The following ATRNL1 variants were observed in gnomAD, a reference collection of about 807,000 sequenced individuals.
ATRNL1 encodes the protein attractin-like protein 1.
A neutral mutation model predicts 182.7 loss-of-function variants in ATRNL1; 95 were observed. That is an observed-to-expected ratio of 0.52 (90% CI 0.44 to 0.62). The LOEUF is 0.62. Ranked by LOEUF, ATRNL1 falls within the 20% of genes least tolerant of loss-of-function variation. ATRNL1 has a pLI of 0.00. For missense variants in ATRNL1, 1,471 were observed against 1,679.5 expected (o/e 0.88, Z 2.17); for synonymous variants, 576 against 568.3 (o/e 1.01, Z -0.19).
chr10:115,554,990 G>A (rs1399072535), intron 26 of ATRNL1, among the ~76,000 whole-genome samples: 2 of 151,558 alleles, frequency 1.3e-5, no homozygotes, highest in Non-Finnish European at 3.0e-5. Flanking sequence ...ATATTCAAAC[G>A]AATGTATATC....
At chr10:115,428,900 A>G (rs1458973994) in intron 21 of ATRNL1, among the ~76,000 whole-genome samples, 2 of 152,118 alleles carry the variant, frequency 1.3e-5, no homozygotes, top group Non-Finnish European at 2.9e-5. Flanking sequence ...CTTTTGCTTA[A>G]CTACTTTAGA....
intron 28 of ATRNL1, chr10:115,909,259 ATCC>A (rs1437030891): frequency 5.9e-5 from 9 of 152,018 alleles, no homozygotes; most frequent in African/African-American, 2.2e-4. Context: ...CAGCTGTGAT[ATCC>A]TCCTCCGCAT....
chr10:115,941,013 A>C (rs935839665), intron 28 of ATRNL1, among the ~76,000 whole-genome samples: 1 of 152,182 alleles, frequency 6.6e-6, no homozygotes, highest in African/African-American at 2.4e-5. Context: ...CCAGTAAAGG[A>C]CCTAAGCCAA....
chr10:115,644,485 C>T (rs573253049), intron 26 of ATRNL1, among the ~76,000 whole-genome samples: 28 of 152,198 alleles, frequency 1.8e-4, no homozygotes, highest in African/African-American at 5.1e-4. Flanking sequence ...TGCTCAAGGT[C>T]GCATAGCCCA....
At chr10:115,861,831 C>A (rs529996094) in intron 28 of ATRNL1, among the ~76,000 whole-genome samples, 1 of 152,098 alleles carries the variant, frequency 6.6e-6, no homozygotes, top group East Asian at 1.9e-4. Context: ...AGGCCAGGAG[C>A]AGTAGCTCAC....
chr10:115,907,245 G>A (rs113266139), intron 28 of ATRNL1, among the ~76,000 whole-genome samples: 10 of 152,310 alleles, frequency 6.6e-5, no homozygotes, highest in African/African-American at 2.2e-4. Flanking sequence ...TCATCAAAAA[G>A]GAAGCTGCGG....
At chr10:115,425,359 A>G (rs1845837847) in intron 20 of ATRNL1, among the ~76,000 whole-genome samples, 2 of 151,766 alleles carry the variant, frequency 1.3e-5, no homozygotes, top group African/African-American at 2.4e-5. Flanking sequence ...ATGCAAATAT[A>G]ATTTTTAGTA....
chr10:115,206,708 T>G (rs1180186683), intron 8 of ATRNL1, among the ~76,000 whole-genome samples: 1 of 152,184 alleles, frequency 6.6e-6, no homozygotes, highest in African/African-American at 2.4e-5. Context: ...AAATTATACT[T>G]TAAGTTCTAG....
rs75403633 is a variant in ATRNL1 at position 115,608,488 on chromosome 10, A to G, written c.3795+58952A>G. Among the ~76,000 whole-genome samples the G allele has an allele frequency of 2.6e-3, 392 of 152,186 alleles. 1 individual carries two copies. Among genetic ancestry groups the G allele is most frequent in the African/African-American group, 9.1e-3 (378 of 41,568 alleles). The stretch of plus-strand genomic sequence containing the variant: ...AACACTACATACCATACTTTTGGAC[A>G]AAAGTTTATTATAACCCTATATTAT... On this transcript the variant is annotated intron_variant, in intron 26 of 28. Transcript: ENST00000355044.
chr10:115,901,792 C>T (rs1952361499), intron 28 of ATRNL1, among the ~76,000 whole-genome samples: 1 of 137,414 alleles, frequency 7.3e-6, no homozygotes, highest in Non-Finnish European at 1.6e-5. Flanking sequence ...CAGTTTCTAA[C>T]AGTGCTAAAA....
At chr10:115,401,913 A>G (rs1207116823) in intron 20 of ATRNL1, among the ~76,000 whole-genome samples, 6 of 152,156 alleles carry the variant, frequency 3.9e-5, no homozygotes, top group Non-Finnish European at 7.4e-5. Flanking sequence ...GAATAATATG[A>G]TAATTTTAGT....
intron 19 of ATRNL1, among the ~76,000 whole-genome samples, chr10:115,363,086 G>T (rs1158167216): frequency 2.2e-4 from 29 of 131,418 alleles, no homozygotes; most frequent in African/African-American, 7.8e-4. Flanking sequence ...GATCCCTGAG[G>T]AATCGCCACA....
chr10:115,372,598 C>G (rs998631313), intron 19 of ATRNL1, among the ~76,000 whole-genome samples: 1 of 151,994 alleles, frequency 6.6e-6, no homozygotes, highest in Admixed American at 6.6e-5. Flanking sequence ...TGTAAATATC[C>G]AGTGTTCCTA....
chr10:115,629,757 T>C (rs1555025774), intron 26 of ATRNL1, among the ~76,000 whole-genome samples: 1 of 152,054 alleles, frequency 6.6e-6, no homozygotes, highest in Non-Finnish European at 1.5e-5. Context: ...CTTAACTCTT[T>C]ATTATAGTTT....
intron 27 of ATRNL1, among the ~76,000 whole-genome samples, chr10:115,843,367 C>T (rs1555097792): frequency 6.6e-6 from 1 of 152,048 alleles, no homozygotes; most frequent in African/African-American, 2.4e-5. Context: ...GGGAAATAGA[C>T]ATTTACCCAG....
intron 21 of ATRNL1, among the ~76,000 whole-genome samples, chr10:115,458,063 TTAATGCAGCATAAAAATTTATTTTCA>T (rs2134514100): frequency 6.6e-6 from 1 of 152,302 alleles, no homozygotes; most frequent in Non-Finnish European, 1.5e-5. Flanking sequence ...GAGTAGTTCA[TTAATGCAGCATAAAAATTTATTTTCA>T]AGTTATGTAC....
intron 21 of ATRNL1, among the ~76,000 whole-genome samples, chr10:115,444,882 C>T (rs1392997549): frequency 1.3e-5 from 2 of 151,630 alleles, no homozygotes; most frequent in African/African-American, 4.8e-5. Context: ...CAGGTGTGCG[C>T]CACCACGCCA....
chr10:115,210,179 AC>A (rs1208673748), intron 8 of ATRNL1, among the ~76,000 whole-genome samples: 1 of 152,022 alleles, frequency 6.6e-6, no homozygotes, highest in African/African-American at 2.4e-5. Flanking sequence ...AAATGTAGTT[AC>A]AGGTATATAA....
chr10:115,849,093 G>A (rs1442247097), intron 28 of ATRNL1, among the ~76,000 whole-genome samples: 1 of 152,128 alleles, frequency 6.6e-6, no homozygotes, highest in Non-Finnish European at 1.5e-5. Flanking sequence ...CCCATATATG[G>A]GAGCAGAGAG....
Sources: allele counts gnomAD v4.1 joint callset (sites outside exome capture counted in the v4.1 genomes callset), GRCh38; gene constraint gnomAD v4.1.1; transcripts MANE v1.5; gene names NCBI Gene and HGNC (gene_info 2026-07-23, HGNC 2026-07-21).